The following SPIRE1 variants were observed in gnomAD, a reference collection of about 807,000 sequenced individuals.
SPIRE1 encodes spire type actin nucleation factor 1.
SPIRE1 carries 40 observed loss-of-function variants against 94.1 expected under a neutral mutation model. The ratio of observed to expected loss-of-function variants is 0.43; its 90% CI spans 0.33 to 0.55. SPIRE1 has a LOEUF of 0.55. Among genes scored for constraint, SPIRE1 ranks in the 20% least tolerant of loss-of-function variants. The pLI, the probability that SPIRE1 is intolerant of heterozygous loss-of-function variation, is 0.06. For synonymous variants in SPIRE1, 376 were observed against 371.7 expected, an observed-to-expected ratio of 1.01 and a Z score of -0.13; for missense variants, 838 against 975.2, an observed-to-expected ratio of 0.86 and a Z score of 1.87.
In SPIRE1 at chr18:12,506,558, C is replaced by T. The variant is rs1296050354; in HGVS notation, c.891G>A (p.Leu297=). 7 of 1,613,954 alleles carry T rather than the reference C, an allele frequency of 4.3e-6. No homozygotes were observed. The highest frequency in any genetic ancestry group is 5.9e-6 in the Non-Finnish European group (7 of 1,179,888). The part of the protein sequence containing the change: ...KKVQERQYNP[L]PIEYQLTPYE... ...AAGGGGTGAGCTGATATTCAATGGG[C>T]AAAGGGTTGTACTGCCGCTCTTGGA... is the stretch of plus-strand genomic sequence containing the variant. The change falls in exon 6 of 17, where the codon TTG becomes TTA. Residue 297 remains leucine, a synonymous_variant. Coordinates refer to ENST00000409402, the MANE Select transcript of SPIRE1 (RefSeq NM_001128626.2).
rs566765235 is a variant in SPIRE1, at chr18:12,574,292, C to T, written c.373-27388G>A. Among the ~76,000 whole-genome samples the T allele has an allele frequency of 2.3e-4, 35 of 152,112 alleles. No individual in the cohort carries two copies. The South Asian group carries it at 4.2e-3, about 18-fold the overall frequency. On this transcript the variant is annotated intron_variant, in intron 2 of 16. Coordinates refer to ENST00000409402, the MANE Select transcript of SPIRE1 (RefSeq NM_001128626.2). Reference sequence around the variant, plus strand: ...GCTTTAAAAATACAGTGTTAGAGAACGGATTAAAAATGGGCCAGAGCAGAT... The same window carrying T: ...GCTTTAAAAATACAGTGTTAGAGAATGGATTAAAAATGGGCCAGAGCAGAT...
intron 2 of SPIRE1, among the ~76,000 whole-genome samples, chr18:12,588,777 C>G (rs1248090474): frequency 6.6e-6 from 1 of 152,124 alleles, no homozygotes; most frequent in Non-Finnish European, 1.5e-5. Flanking sequence ...TTTCCTAAAT[C>G]TTTGTTTTTT....
chr18:12,484,898 C>T (rs1460034434), intron 9 of SPIRE1, among the ~76,000 whole-genome samples: 1 of 151,678 alleles, frequency 6.6e-6, no homozygotes, highest in Non-Finnish European at 1.5e-5. Flanking sequence ...TCTCTATTTC[C>T]TAAAATAAAT....
intron 1 of SPIRE1, among the ~76,000 whole-genome samples, chr18:12,640,768 T>C (rs1462761632): frequency 3.3e-5 from 5 of 151,918 alleles, no homozygotes; most frequent in East Asian, 1.9e-4. Flanking sequence ...GCCTGGGAAG[T>C]GTTTGGTGGA....
At chr18:12,620,731 T>C (rs1478037011) in intron 2 of SPIRE1, among the ~76,000 whole-genome samples, 1 of 152,154 alleles carries the variant, frequency 6.6e-6, no homozygotes, top group Non-Finnish European at 1.5e-5. Flanking sequence ...ATCTTCATGA[T>C]CTTGGATTTG....
At chr18:12,508,987 C>T (rs1206553815) in intron 5 of SPIRE1, among the ~76,000 whole-genome samples, 1 of 152,090 alleles carries the variant, frequency 6.6e-6, no homozygotes, top group Non-Finnish European at 1.5e-5. Flanking sequence ...CACTTTGTTA[C>T]ATAGTCGGTT....
At chr18:12,450,659 C>G in intron 16 of SPIRE1, 1 of 617,152 alleles carries the variant, frequency 1.6e-6, no homozygotes, top group South Asian at 1.9e-5. Flanking sequence ...AGTACACTAC[C>G]ACTGGGAAAT....
chr18:12,449,832 T>A lies in SPIRE1; in HGVS notation c.2077A>T (p.Met693Leu), dbSNP rs747896199. 1.9e-6 allele frequency: 3 copies of A among 1,614,048 alleles called. No individual in the cohort carries two copies. The highest frequency in any genetic ancestry group is 2.2e-5 in the South Asian group (2 of 91,082). Residue 693 changes from methionine (M) to leucine (L), a missense_variant, in exon 17 of 17, where the codon ATG (methionine) becomes TTG (leucine). By Grantham distance (15) the Met-to-Leu change is conservative (BLOSUM62 2). Coordinates refer to ENST00000409402, the MANE Select transcript of SPIRE1 (RefSeq NM_001128626.2). The part of the protein sequence containing the change: ...DEELQFPKEL[M>L]EDWSTMEVCV... ...ACCTCCATGGTGCTCCAGTCCTCCA[T>A]CAACTCTTTGGGAAACTGGAGTTCT...
chr18:12,592,341 A>C (rs1319738106), intron 2 of SPIRE1, among the ~76,000 whole-genome samples: 1 of 152,236 alleles, frequency 6.6e-6, no homozygotes, highest in Non-Finnish European at 1.5e-5. Flanking sequence ...AAACTAATGT[A>C]ATATCACATT....
intron 10 of SPIRE1, among the ~76,000 whole-genome samples, chr18:12,474,221 T>A (rs926860067): frequency 1.3e-5 from 2 of 152,218 alleles, no homozygotes; most frequent in Admixed American, 6.5e-5. Flanking sequence ...TTCTGGTGTC[T>A]CCTTCAATTG....
chr18:12,510,041 C>T (rs1246425019), intron 5 of SPIRE1, among the ~76,000 whole-genome samples: 12 of 150,584 alleles, frequency 8.0e-5, no homozygotes, highest in Non-Finnish European at 1.6e-4. Context: ...GCCGAGATCA[C>T]GCCACTGTAC....
chr18:12,657,387 G>A, intron 1 of SPIRE1, 143 bp downstream of exon 1: 1 of 643,842 alleles, frequency 1.6e-6, no homozygotes, highest in Non-Finnish European at 2.2e-6. Flanking sequence ...TCCCCTGCGG[G>A]TCCCCGCCGG....
chr18:12,661,667 C>A (rs1414647126), upstream of SPIRE1, among the ~76,000 whole-genome samples: 1 of 151,824 alleles, frequency 6.6e-6, no homozygotes, highest in East Asian at 1.9e-4. Context: ...CCCAGCTACT[C>A]GGGAGGCTGA....
intron 1 of SPIRE1, among the ~76,000 whole-genome samples, chr18:12,654,403 T>C (rs898932652): frequency 2.0e-5 from 3 of 147,096 alleles, no homozygotes; most frequent in Non-Finnish European, 4.5e-5. Context: ...TCCCAGCACT[T>C]TGGGAGGCCG....
At chr18:12,643,954 T>TG (rs2038151265) in intron 1 of SPIRE1, among the ~76,000 whole-genome samples, 2 of 144,686 alleles carry the variant, frequency 1.4e-5, no homozygotes, top group Admixed American at 1.4e-4. Flanking sequence ...TTTGGAAGGC[T>TG]GGGGGTGGGG....
intron 1 of SPIRE1, among the ~76,000 whole-genome samples, chr18:12,655,178 A>G (rs1356729084): frequency 6.6e-6 from 1 of 151,834 alleles, no homozygotes; most frequent in Non-Finnish European, 1.5e-5. Flanking sequence ...TGACTACAGC[A>G]CTGCACTCCA....
chr18:12,478,985 T>C (rs2032732914), intron 10 of SPIRE1, among the ~76,000 whole-genome samples: 1 of 152,070 alleles, frequency 6.6e-6, no homozygotes, highest in African/African-American at 2.4e-5. Context: ...TGTGTGTATA[T>C]GTGTGTGTGT....
intron 1 of SPIRE1, among the ~76,000 whole-genome samples, chr18:12,657,314 C>T (rs1165031749): frequency 6.6e-6 from 1 of 151,630 alleles, no homozygotes; most frequent in Non-Finnish European, 1.5e-5. Flanking sequence ...GGATTTGCGC[C>T]GTCGCCCGCC....
At chr18:12,567,395 C>T (rs1173123146) in intron 2 of SPIRE1, among the ~76,000 whole-genome samples, 1 of 152,200 alleles carries the variant, frequency 6.6e-6, no homozygotes, top group East Asian at 1.9e-4. Flanking sequence ...TTCTTCCCAG[C>T]TTGATCTACA....
Sources: allele counts gnomAD v4.1 joint callset (sites outside exome capture counted in the v4.1 genomes callset), GRCh38; gene constraint gnomAD v4.1.1; transcripts MANE v1.5; gene names NCBI Gene and HGNC (gene_info 2026-07-23, HGNC 2026-07-21).